Variants in IMMP2L observed in about 807,000 individuals in gnomAD.
IMMP2L encodes mitochondrial inner membrane protease subunit 2.
Under a neutral mutation model 19.3 loss-of-function variants are expected in IMMP2L, and 18 were observed. That is an observed-to-expected ratio of 0.93 (90% CI 0.64 to 1.38). The LOEUF (loss-of-function observed/expected upper bound fraction) is 1.38. IMMP2L is among the 40% of genes most tolerant of loss of function. IMMP2L has a pLI of 0.00. For missense variants in IMMP2L, 233 were observed against 218.2 expected (o/e 1.07, Z -0.43); for synonymous variants, 76 against 73.0 (o/e 1.04, Z -0.21).
At chr7:111,283,380 G>A (rs1277928086) in intron 3 of IMMP2L, among the ~76,000 whole-genome samples, 4 of 152,118 alleles carry the variant, frequency 2.6e-5, no homozygotes, top group Middle Eastern at 6.3e-3. Flanking sequence ...AACAGAGGAA[G>A]TAACATTTAG....
At chr7:110,773,887 C>G (rs1584785336) in intron 5 of IMMP2L, among the ~76,000 whole-genome samples, 1 of 141,926 alleles carries the variant, frequency 7.0e-6, no homozygotes, top group South Asian at 2.3e-4. Context: ...GCTGGAGCTC[C>G]AAATCATGAC....
intron 3 of IMMP2L, among the ~76,000 whole-genome samples, chr7:111,358,147 T>G (rs555771397): frequency 2.0e-4 from 30 of 150,170 alleles, no homozygotes; most frequent in African/African-American, 6.4e-4. Context: ...ATGAACTATT[T>G]GATTTGCTGA....
intron 3 of IMMP2L, among the ~76,000 whole-genome samples, chr7:111,341,050 T>C (rs1826961167): frequency 6.6e-6 from 1 of 152,162 alleles, no homozygotes; most frequent in South Asian, 2.1e-4. Context: ...TTGTATGATA[T>C]ACTTCAATTT....
chr7:111,342,640 A>G (rs1484475380), intron 3 of IMMP2L, among the ~76,000 whole-genome samples: 2 of 152,042 alleles, frequency 1.3e-5, no homozygotes. Context: ...TAATAAACTG[A>G]CATTTGAATT....
chr7:110,988,550 A>G (rs934814266), intron 3 of IMMP2L, among the ~76,000 whole-genome samples: 2 of 152,154 alleles, frequency 1.3e-5, no homozygotes, highest in African/African-American at 4.8e-5. Flanking sequence ...ATGGATAGCA[A>G]CCTTTGCTAC....
At chr7:111,122,842 G>A (rs572066802) in intron 3 of IMMP2L, 11 of 1,613,948 alleles carry the variant, frequency 6.8e-6, no homozygotes, top group East Asian at 2.2e-5. Context: ...ACAAGCTGTA[G>A]ATAAAAAAGT....
chr7:110,777,779 C>T (rs1238631998), intron 5 of IMMP2L, among the ~76,000 whole-genome samples: 1 of 151,856 alleles, frequency 6.6e-6, no homozygotes, highest in Non-Finnish European at 1.5e-5. Flanking sequence ...AATCTTAACG[C>T]CAAATAAACT....
intron 5 of IMMP2L, among the ~76,000 whole-genome samples, chr7:110,740,784 G>A (rs1404961276): frequency 6.6e-6 from 1 of 152,000 alleles, no homozygotes; most frequent in Non-Finnish European, 1.5e-5. Context: ...GCTGTGAAAA[G>A]GGAACACTTT....
At chr7:111,289,860 G>A (rs913816710) in intron 3 of IMMP2L, among the ~76,000 whole-genome samples, 10 of 151,656 alleles carry the variant, frequency 6.6e-5, no homozygotes, top group African/African-American at 1.9e-4. Context: ...GTGACCTCAC[G>A]GAAATTTTGA....
chr7:110,826,617 C>T (rs1240650134), intron 5 of IMMP2L, among the ~76,000 whole-genome samples: 1 of 151,866 alleles, frequency 6.6e-6, no homozygotes, highest in Non-Finnish European at 1.5e-5. Context: ...GGTTCTCACT[C>T]ATAGGTGGGA....
chr7:111,327,995 A>G (rs1825497316), intron 3 of IMMP2L, among the ~76,000 whole-genome samples: 1 of 151,798 alleles, frequency 6.6e-6, no homozygotes, highest in South Asian at 2.1e-4. Flanking sequence ...AGTATTATAA[A>G]GCAGCATAAC....
intron 5 of IMMP2L, among the ~76,000 whole-genome samples, chr7:110,863,706 A>G (rs1270367627): frequency 2.0e-5 from 3 of 152,152 alleles, no homozygotes; most frequent in Admixed American, 1.3e-4. Flanking sequence ...TTTTTGCCCA[A>G]CTAATGTAAA....
chr7:111,170,942 G>A (rs904989907), intron 3 of IMMP2L, among the ~76,000 whole-genome samples: 1 of 151,682 alleles, frequency 6.6e-6, no homozygotes, highest in African/African-American at 2.4e-5. Flanking sequence ...GAGGCTTGAG[G>A]TATGTGATCA....
chr7:110,834,626 C>G (rs1202922655), intron 5 of IMMP2L, among the ~76,000 whole-genome samples: 2 of 152,098 alleles, frequency 1.3e-5, no homozygotes, highest in Non-Finnish European at 2.9e-5. Context: ...GAGTTCACAG[C>G]TTTTGTAGTT....
Position 110,662,701 on chromosome 7 carries a change from T to G in IMMP2L, c.*901A>C, listed in dbSNP as rs1791176981. Among the ~76,000 whole-genome samples, 1 of 152,236 alleles carries G rather than the reference T, an allele frequency of 6.6e-6. No individual in the cohort carries two copies. Among genetic ancestry groups the G allele is most frequent in the African/African-American group, 2.4e-5 (1 of 41,460 alleles). ...CAAATTACAGACTCTATGATTCTAC[T>G]GTAACTTTGCAATTGGTGATTTCAG... On this transcript the variant is annotated 3_prime_UTR_variant, in exon 6 of 6. Coordinates refer to ENST00000405709, the MANE Select transcript of IMMP2L (RefSeq NM_032549.4).
At chr7:110,912,392 G>C (rs1000860635) in intron 4 of IMMP2L, among the ~76,000 whole-genome samples, 3 of 152,048 alleles carry the variant, frequency 2.0e-5, no homozygotes, top group Non-Finnish European at 4.4e-5. Context: ...TTCAAGCTGT[G>C]GGATGCTGGG....
intron 3 of IMMP2L, among the ~76,000 whole-genome samples, chr7:110,965,096 T>C (rs572372200): frequency 7.9e-5 from 12 of 152,164 alleles, no homozygotes; most frequent in Non-Finnish European, 1.5e-4. Context: ...TAATTTGTCA[T>C]GTAGCAATGG....
intron 4 of IMMP2L, among the ~76,000 whole-genome samples, chr7:110,929,160 G>A (rs546968879): frequency 3.9e-5 from 6 of 152,170 alleles, no homozygotes; most frequent in South Asian, 2.1e-4. Flanking sequence ...ACATGATGCC[G>A]CCCCATCAAA....
intron 3 of IMMP2L, among the ~76,000 whole-genome samples, chr7:111,067,069 C>A (rs1418393413): frequency 1.3e-5 from 2 of 152,174 alleles, no homozygotes; most frequent in African/African-American, 2.4e-5. Context: ...ACAATGGAAA[C>A]TTCATGTCTG....
Sources: gnomAD v4.1 joint callset for allele counts (sites outside exome capture counted in the v4.1 genomes callset) on GRCh38, gnomAD v4.1.1 for gene constraint, MANE v1.5 for transcripts, NCBI Gene and HGNC (gene_info 2026-07-23, HGNC 2026-07-21) for gene names.